Variants in BRWD1 observed in about 807,000 individuals in gnomAD.
BRWD1 encodes the protein bromodomain and WD repeat domain containing 1.
In BRWD1, 82 loss-of-function variants were observed where a neutral mutation model predicts 251.2. The observed-to-expected ratio is 0.33, with a 90% confidence interval of 0.27 to 0.39. The LOEUF (loss-of-function observed/expected upper bound fraction) is 0.39. Among genes scored for constraint, BRWD1 ranks in the 10% least tolerant of loss-of-function variants. The pLI is 1.00. For synonymous variants in BRWD1, 918 were observed against 902.8 expected, an observed-to-expected ratio of 1.02 and a Z score of -0.30; for missense variants, 2,233 against 2,711.6, an observed-to-expected ratio of 0.82 and a Z score of 3.92.
rs145297952 is a variant in BRWD1 at position 39,206,174 on chromosome 21, C to T, written c.4298G>A (p.Arg1433Gln). ...CCGTTGCTTGAACCTCTGGCTTCTTCGAAGTTTTTCATTGAATTTTTGACC... is the reference window on the plus strand; with the variant it reads ...CCGTTGCTTGAACCTCTGGCTTCTTTGAAGTTTTTCATTGAATTTTTGACC... Reference protein sequence around the residue: ...KIGQKFNEKLRRSQRFKQRQN... With the variant: ...KIGQKFNEKLQRSQRFKQRQN... The change falls in exon 37 of 41, where the codon CGA (arginine) becomes CAA (glutamine). Residue 1433 changes from arginine (R) to glutamine (Q), a missense_variant. Arg to Gln is a conservative substitution (Grantham distance 43, BLOSUM62 1). Transcript: ENST00000342449. 1.1e-5 allele frequency: 17 copies of T among 1,613,464 alleles called. No homozygotes were observed. The highest frequency in any genetic ancestry group is 1.6e-4 in the Middle Eastern group (1 of 6,082).
At chr21:39,263,128 G>C (rs2034809402) in intron 17 of BRWD1, among the ~76,000 whole-genome samples, 1 of 151,966 alleles carries the variant, frequency 6.6e-6, no homozygotes, top group Non-Finnish European at 1.5e-5. Flanking sequence ...ACATACACTT[G>C]AATTGTACAC....
chr21:39,225,864 G>C (rs760630021), intron 27 of BRWD1, among the ~76,000 whole-genome samples: 2 of 152,018 alleles, frequency 1.3e-5, no homozygotes, highest in Non-Finnish European at 2.9e-5. Flanking sequence ...AGAAATCTAA[G>C]GAGACTAGTA....
Position 39,265,168 on chromosome 21 carries a change from A to G in BRWD1, c.1531-149T>C, listed in dbSNP as rs146095950. ...GCCAGGCATGGTGGCTCATACCTGT[A>G]ATCCTAGCACTTTATGAGGTGGAAG... On this transcript the variant is annotated intron_variant, in intron 15 of 40. Transcript: ENST00000342449. 604 of 845,208 alleles carry G rather than the reference A, an allele frequency of 7.1e-4. 1 individual carries two copies. In the African/African-American group the frequency reaches 9.8e-3, roughly 14 times the overall value. 52.4% of individuals were successfully genotyped at this position (845,208 alleles called of 1,614,324 possible). A position where few individuals can be genotyped will look rare whatever the true frequency, so the allele number is the denominator to read the frequency against.
At chr21:39,314,579 T>A, upstream of BRWD1, 1 of 347,370 alleles carries the variant, frequency 2.9e-6, no homozygotes, top group Non-Finnish European at 5.7e-6. Context: ...GAAAATTCCC[T>A]TGTCTTGCCA....
intron 22 of BRWD1, 48 bp from the exon 23 acceptor site, chr21:39,236,832 C>T (rs1342360311): frequency 4.0e-6 from 6 of 1,493,508 alleles, no homozygotes; most frequent in African/African-American, 1.4e-5. Context: ...AATATAAGCA[C>T]TGATAGCAAG....
rs1490522770 is a variant in BRWD1, at chr21:39,188,169, C to T, written c.*8090G>A. 8.1e-6 allele frequency: 8 copies of T among 985,286 alleles called. No individual in the cohort carries two copies. Among genetic ancestry groups the T allele is most frequent in the Non-Finnish European group, 9.6e-6 (8 of 829,938 alleles). 61.0% of individuals were successfully genotyped at this position (985,286 alleles called of 1,614,324 possible). ...ACAAACAAGTCTAATTAGTACTCTTCTAGAACAGAAGTGATATTCCTTTTA... is the reference window on the plus strand; with the variant it reads ...ACAAACAAGTCTAATTAGTACTCTTTTAGAACAGAAGTGATATTCCTTTTA... On this transcript the variant is annotated 3_prime_UTR_variant, in exon 41 of 41. Transcript: ENST00000342449.
chr21:39,235,366 T>C (rs2033773330), intron 23 of BRWD1: 1 of 152,646 alleles, frequency 6.6e-6, no homozygotes, highest in South Asian at 2.1e-4. Context: ...ACAGCATTCT[T>C]ATAAATGATA....
intron 29 of BRWD1, chr21:39,219,885 T>C (rs926501638): frequency 1.3e-5 from 2 of 152,090 alleles, no homozygotes; most frequent in African/African-American, 4.8e-5. Flanking sequence ...ATAAAAGAAA[T>C]GTGGGGGAAG....
At chr21:39,208,731 G>A (rs2032526956) in intron 36 of BRWD1, among the ~76,000 whole-genome samples, 1 of 151,926 alleles carries the variant, frequency 6.6e-6, no homozygotes. Flanking sequence ...GCCAACACGG[G>A]CTAATTTTTT....
rs1050080599 is a variant in BRWD1, at chr21:39,284,771, A to T, written c.832-4523T>A. Among the ~76,000 whole-genome samples, 13 of 151,792 alleles carry T rather than the reference A, an allele frequency of 8.6e-5. No homozygotes were observed. The South Asian group carries it at 1.0e-3, about 12-fold the overall frequency. On this transcript the variant is annotated intron_variant, in intron 8 of 40. Transcript: ENST00000342449. Reference sequence around the variant, plus strand: ...GGTCTTTTGCCCATTTTTTAACTGAATTTTTTTTCTATTGAGTTGAGTTCC... The same window carrying T: ...GGTCTTTTGCCCATTTTTTAACTGATTTTTTTTTCTATTGAGTTGAGTTCC...
chr21:39,312,582 C>T (rs2036525858), intron 4 of BRWD1: 1 of 351,540 alleles, frequency 2.8e-6, no homozygotes, highest in Non-Finnish European at 5.3e-6. Context: ...CCTGGAGCCC[C>T]ACCCCTGCCG....
chr21:39,263,901 G>C (rs1272998237), intron 17 of BRWD1, among the ~76,000 whole-genome samples: 1 of 152,114 alleles, frequency 6.6e-6, no homozygotes, highest in Non-Finnish European at 1.5e-5. Context: ...ATTAAGACTA[G>C]AACATCATTT....
Position 39,186,810 on chromosome 21 carries a change from A to T in BRWD1, c.*9449T>A. ...ATTTGTCTTTTCTTTCCACCTCTCC[A>T]CCTACAGACTCTGCAATTTATTTCC... On this transcript the variant is annotated 3_prime_UTR_variant, in exon 41 of 41. Transcript: ENST00000342449. 1.6e-6 allele frequency: 1 copy of T among 640,716 alleles called. No homozygotes were observed. The highest frequency in any genetic ancestry group is 3.6e-5 in the East Asian group (1 of 27,498). The allele number at this position is 640,716 out of a possible 1,614,324, so 39.7% of individuals were successfully genotyped here.
At chr21:39,289,354 C>A (rs969302925) in intron 8 of BRWD1, among the ~76,000 whole-genome samples, 3 of 152,136 alleles carry the variant, frequency 2.0e-5, no homozygotes, top group Admixed American at 1.3e-4. Context: ...CTGAAGTTAC[C>A]GCCTCCTGAT....
At chr21:39,204,541 T>C (rs893643098) in intron 37 of BRWD1, among the ~76,000 whole-genome samples, 1 of 152,206 alleles carries the variant, frequency 6.6e-6, no homozygotes, top group Non-Finnish European at 1.5e-5. Context: ...CAAATAATCC[T>C]CAGTAATACT....
Position 39,192,876 on chromosome 21 carries a change from T to C in BRWD1, c.*3383A>G. On this transcript the variant is annotated 3_prime_UTR_variant, in exon 41 of 41. Transcript: ENST00000342449. ...TACTAACAGAAAATATTAAAATTCT[T>C]CCTATTTTTAATATCAAACAGGGAG... is the stretch of plus-strand genomic sequence containing the variant. 1.0e-6 allele frequency: 1 copy of C among 965,362 alleles called. No individual in the cohort carries two copies. Among genetic ancestry groups the C allele is most frequent in the East Asian group, 1.1e-4 (1 of 8,794 alleles). The allele number at this position is 965,362 out of a possible 1,614,324, so 59.8% of individuals were successfully genotyped here.
chr21:39,315,661 ACAATC>A (rs1056349865), upstream of BRWD1: 3 of 152,126 alleles, frequency 2.0e-5, no homozygotes, highest in Non-Finnish European at 2.9e-5. Context: ...TTGTGAGGTA[ACAATC>A]TAAATATGTT....
intron 17 of BRWD1, among the ~76,000 whole-genome samples, chr21:39,262,042 T>C (rs530593865): frequency 5.9e-5 from 9 of 152,272 alleles, no homozygotes; most frequent in African/African-American, 2.2e-4. Flanking sequence ...GAAATAAGAC[T>C]CTTCAAAACA....
In BRWD1 at chr21:39,187,481, T is replaced by G; in HGVS notation, c.*8778A>C. On this transcript the variant is annotated 3_prime_UTR_variant, in exon 41 of 41. Coordinates refer to ENST00000342449, the MANE Select transcript of BRWD1 (RefSeq NM_033656.4). ...TTGTAACACAAGATTTTACTACTGCTAACATTCCTCAACAACACTCATTCG... is the reference window on the plus strand; with the variant it reads ...TTGTAACACAAGATTTTACTACTGCGAACATTCCTCAACAACACTCATTCG... 6.7e-7 allele frequency: 1 copy of G among 1,494,824 alleles called. No individual in the cohort carries two copies. Among genetic ancestry groups the G allele is most frequent in the Non-Finnish European group, 8.9e-7 (1 of 1,126,222 alleles). 92.6% of individuals were successfully genotyped at this position (1,494,824 alleles called of 1,614,324 possible).
Sources: gnomAD v4.1 joint callset for allele counts (sites outside exome capture counted in the v4.1 genomes callset) on GRCh38, gnomAD v4.1.1 for gene constraint, MANE v1.5 for transcripts, NCBI Gene and HGNC (gene_info 2026-07-23, HGNC 2026-07-21) for gene names.